The following IKZF2 variants were observed in gnomAD, a reference collection of about 807,000 sequenced individuals.
IKZF2 encodes the protein IKAROS family zinc finger 2.
In IKZF2, 15 loss-of-function variants were observed where a neutral mutation model predicts 49.2. The observed-to-expected ratio is 0.30, with a 90% CI of 0.20 to 0.47. The LOEUF is 0.47. Ranked by LOEUF, IKZF2 falls within the 20% of genes least tolerant of loss-of-function variation. The pLI is 1.00. For missense variants in IKZF2, 567 were observed against 664.6 expected (o/e 0.85, Z 1.61); for synonymous variants, 227 against 221.4 (o/e 1.03, Z -0.23).
intron 4 of IKZF2, among the ~76,000 whole-genome samples, chr2:213,100,600 A>C (rs1706545266): frequency 6.6e-6 from 1 of 152,056 alleles, no homozygotes. Flanking sequence ...ATGTTGATCT[A>C]ATACAAAGCA....
Position 213,022,036 on chromosome 2 carries a change from C to G in IKZF2, c.669G>C (p.Gln223His). The G allele has an allele frequency of 6.2e-7, 1 of 1,613,892 alleles. No homozygotes were observed. Among genetic ancestry groups the G allele is most frequent in the Non-Finnish European group, 8.5e-7 (1 of 1,179,832 alleles). Residue 223 changes from glutamine to histidine, a missense_variant, in exon 7 of 9, where the codon CAG (glutamine) becomes CAC (histidine). Physicochemically the swap from Gln to His is conservative, Grantham distance 24. Coordinates refer to ENST00000434687, the MANE Select transcript of IKZF2 (RefSeq NM_001387220.1). ...GCCCAGCAGCCTCCATGCTGACATT[C>G]TGGAGATAGTTGTGGCAGCGTTCCT... is the stretch of plus-strand genomic sequence containing the variant. ...EHKERCHNYL[Q>H]NVSMEAAGQV...
chr2:213,124,633 G>T (rs2060197737), intron 4 of IKZF2, among the ~76,000 whole-genome samples: 1 of 152,204 alleles, frequency 6.6e-6, no homozygotes, highest in Non-Finnish European at 1.5e-5. Flanking sequence ...GAGTATTTCA[G>T]TTTCCCATGT....
intron 4 of IKZF2, among the ~76,000 whole-genome samples, chr2:213,080,202 A>ATAGATAGATAGATAGGTAGC (rs1420373531): frequency 2.6e-5 from 4 of 152,178 alleles, no homozygotes; most frequent in African/African-American, 9.7e-5. Flanking sequence ...AGATAGATAG[A>ATAGATAGATAGATAGGTAGC]TAGATATGGA....
At chr2:213,048,151 C>T (rs1430925813) in intron 6 of IKZF2, among the ~76,000 whole-genome samples, 2 of 152,000 alleles carry the variant, frequency 1.3e-5, no homozygotes, top group South Asian at 2.1e-4. Flanking sequence ...ATAGGGACTC[C>T]ATTAAACTCT....
chr2:213,001,292 A>G lies in IKZF2; in HGVS notation c.*6068T>C, dbSNP rs1487761258. ...GTAATGTTAAAGCATTTTTCTCCCA[A>G]TTAGGAGAAAGTTAAGACTCTTTGC... On this transcript the variant is annotated 3_prime_UTR_variant, in exon 9 of 9. Transcript: ENST00000434687. The G allele has an allele frequency of 6.6e-6, 1 of 151,952 alleles. No homozygotes were observed. The highest frequency in any genetic ancestry group is 2.4e-5 in the African/African-American group (1 of 41,390). 9.4% of individuals were successfully genotyped at this position (151,952 alleles called of 1,614,324 possible). A position where few individuals can be genotyped will look rare whatever the true frequency, so the allele number is the denominator to read the frequency against.
chr2:213,019,693 G>T (rs1696995282), intron 7 of IKZF2, among the ~76,000 whole-genome samples: 2 of 152,058 alleles, frequency 1.3e-5, no homozygotes, highest in South Asian at 4.1e-4. Context: ...TCTCCTCTTT[G>T]GTTTTACCCT....
intron 7 of IKZF2, 197 bp downstream of exon 7, chr2:213,021,796 C>T (rs1488939645): frequency 4.8e-6 from 3 of 621,834 alleles, no homozygotes; most frequent in African/African-American, 1.9e-5. Flanking sequence ...CATTATTATG[C>T]TAATTCAAAC....
intron 6 of IKZF2, among the ~76,000 whole-genome samples, chr2:213,040,970 T>C (rs7572780): frequency 0.24 from 36,307 of 151,540 alleles, 4,741 homozygotes; most frequent in Non-Finnish European, 0.28. Flanking sequence ...ATACAAAAAT[T>C]AGTTGGGCGT....
chr2:213,079,597 T>C (rs530323277), intron 4 of IKZF2, among the ~76,000 whole-genome samples: 40 of 137,770 alleles, frequency 2.9e-4, no homozygotes, highest in African/African-American at 1.1e-3. Flanking sequence ...AAGATCTCCA[T>C]CTATAAACCA....
chr2:213,084,216 A>T (rs1704305897), intron 4 of IKZF2, among the ~76,000 whole-genome samples: 1 of 152,204 alleles, frequency 6.6e-6, no homozygotes, highest in Admixed American at 6.5e-5. Context: ...TGTATATCAC[A>T]GAGCATATTA....
intron 5 of IKZF2, among the ~76,000 whole-genome samples, chr2:213,055,456 A>AT (rs1318879415): frequency 7.1e-6 from 1 of 141,404 alleles, no homozygotes; most frequent in African/African-American, 2.5e-5. Flanking sequence ...TAAAAAGGAG[A>AT]TAAAAAACGA....
chr2:213,149,558 C>T lies in IKZF2; in HGVS notation c.-16+586G>A, dbSNP rs189327154. Among the ~76,000 whole-genome samples, 60 of 152,058 alleles carry T rather than the reference C, an allele frequency of 3.9e-4. No homozygotes were observed. In the Middle Eastern group the frequency reaches 0.014, roughly 34 times the overall value. On this transcript the variant is annotated intron_variant, in intron 2 of 8. Coordinates refer to ENST00000434687, the MANE Select transcript of IKZF2 (RefSeq NM_001387220.1). ...AGAAGATTTTTACTTTTTTTTCCCC[C>T]TTTGGCCTTGGTCCTTTTTGCCTTT...
chr2:213,080,094 A>C (rs2125560089), intron 4 of IKZF2, among the ~76,000 whole-genome samples: 1 of 152,340 alleles, frequency 6.6e-6, no homozygotes, highest in South Asian at 2.1e-4. Flanking sequence ...AAGGAACAAA[A>C]GAAATAAAAA....
intron 4 of IKZF2, among the ~76,000 whole-genome samples, chr2:213,122,839 C>T (rs2060104003): frequency 6.6e-6 from 1 of 152,198 alleles, no homozygotes; most frequent in Non-Finnish European, 1.5e-5. Flanking sequence ...ACCTGGAACA[C>T]GTGATATTTC....
chr2:213,054,307 C>T (rs1173158062), intron 5 of IKZF2, among the ~76,000 whole-genome samples: 2 of 151,986 alleles, frequency 1.3e-5, no homozygotes, highest in South Asian at 2.1e-4. Context: ...TTCTCAAAGG[C>T]ATTATAAGGT....
At chr2:213,063,415 G>A (rs1407788142) in intron 4 of IKZF2, among the ~76,000 whole-genome samples, 5 of 151,844 alleles carry the variant, frequency 3.3e-5, no homozygotes, top group African/African-American at 7.3e-5. Flanking sequence ...AACTTGTTAT[G>A]GGACCTTGGG....
rs1258182830 is a variant in IKZF2, at chr2:213,006,064, C to T, written c.*1296G>A. On this transcript the variant is annotated 3_prime_UTR_variant, in exon 9 of 9. Coordinates refer to ENST00000434687, the MANE Select transcript of IKZF2 (RefSeq NM_001387220.1). ...CCAAGGTACAGGTTACAAAGAAGTCCCATTCCCTTTTCTTTGCAACAAGAG... is the reference window on the plus strand; with the variant it reads ...CCAAGGTACAGGTTACAAAGAAGTCTCATTCCCTTTTCTTTGCAACAAGAG... The T allele has an allele frequency of 2.0e-5, 3 of 151,760 alleles. No individual in the cohort carries two copies. Among genetic ancestry groups the T allele is most frequent in the African/African-American group, 7.3e-5 (3 of 41,310 alleles). The allele number at this position is 151,760 out of a possible 1,614,324, so 9.4% of individuals were successfully genotyped here.
chr2:213,070,941 A>G (rs193065270), intron 4 of IKZF2, among the ~76,000 whole-genome samples: 3 of 152,326 alleles, frequency 2.0e-5, no homozygotes, highest in East Asian at 3.9e-4. Flanking sequence ...ACAAATGAAC[A>G]GAGAGGGAAA....
intron 4 of IKZF2, among the ~76,000 whole-genome samples, chr2:213,102,399 G>C (rs1350637014): frequency 6.6e-6 from 1 of 152,090 alleles, no homozygotes; most frequent in Admixed American, 6.6e-5. Context: ...GAATTAAAAT[G>C]TATAGTACCA....
Sources: allele counts gnomAD v4.1 joint callset (sites outside exome capture counted in the v4.1 genomes callset), GRCh38; gene constraint gnomAD v4.1.1; transcripts MANE v1.5; gene names NCBI Gene and HGNC (gene_info 2026-07-23, HGNC 2026-07-21).